PDXDC1: variants seen among roughly 807,000 people sequenced by gnomAD.
PDXDC1 encodes pyridoxal-dependent decarboxylase domain-containing protein 1.
In PDXDC1, 42 loss-of-function variants were observed where a neutral mutation model predicts 100.1. The ratio of observed to expected loss-of-function variants is 0.42; its 90% CI spans 0.33 to 0.54. PDXDC1 has a LOEUF of 0.54. Ranked by LOEUF, PDXDC1 falls within the 20% of genes least tolerant of loss-of-function variation. The probability of loss-of-function intolerance (pLI) is 0.10; values close to 1 mark genes in which losing one functional copy is unlikely to be tolerated. For missense variants in PDXDC1, 636 were observed against 979.2 expected, an observed-to-expected ratio of 0.65 and a Z score of 4.68; for synonymous variants, 260 against 371.7, an observed-to-expected ratio of 0.70 and a Z score of 3.46.
At chr16:15,022,600 T>C in intron 12 of PDXDC1, 104 bp from the exon 13 acceptor site, 2 of 1,031,562 alleles carry the variant, frequency 1.9e-6, no homozygotes, top group South Asian at 3.5e-5. Context: ...GCAGGTGACT[T>C]TGCCTGACAT....
At chr16:15,048,335 T>C (rs1349582663) in intron 16 of PDXDC1, among the ~76,000 whole-genome samples, 3 of 152,224 alleles carry the variant, frequency 2.0e-5, no homozygotes, top group East Asian at 1.9e-4. Flanking sequence ...TCGGATGTCA[T>C]AGTAACCTAT....
chr16:15,035,350 G>GA (rs2043347168), intron 21 of PDXDC1, 99 bp from the exon 22 acceptor site: 1 of 589,084 alleles, frequency 1.7e-6, no homozygotes, highest in Non-Finnish European at 2.9e-6. Context: ...TCAGTGGCTG[G>GA]AAGGAGGTTA....
chr16:15,054,064 C>T (rs2044402341), intron 16 of PDXDC1, among the ~76,000 whole-genome samples: 1 of 152,222 alleles, frequency 6.6e-6, no homozygotes, highest in South Asian at 2.1e-4. Context: ...GCTTCCCCTC[C>T]TCACCCGGGC....
intron 1 of PDXDC1, chr16:14,989,647 CGGGCCCGG>C: frequency 6.3e-7 from 1 of 1,583,830 alleles, no homozygotes; most frequent in Non-Finnish European, 8.5e-7. Flanking sequence ...GAGACGGAGG[CGGGCCCGG>C]GGCCGGCGGC....
intron 16 of PDXDC1, chr16:15,076,673 A>C (rs1331500952): frequency 6.7e-7 from 1 of 1,490,270 alleles, no homozygotes; most frequent in Non-Finnish European, 9.4e-7. Flanking sequence ...GAGAAAAAAA[A>C]AGAATAAAAG....
At chr16:15,145,690 G>A in the PDXDC1 span, among the ~76,000 whole-genome samples, 1 of 152,262 alleles carries the variant, frequency 6.6e-6, no homozygotes, top group Admixed American at 6.5e-5. Context: ...CAGCTGCCAA[G>A]CCATGAAGAG....
intron 4 of PDXDC1, 143 bp from the exon 5 acceptor site, chr16:15,004,044 A>G (rs1413751305): frequency 6.0e-5 from 49 of 817,566 alleles, no homozygotes; most frequent in Non-Finnish European, 9.0e-5. Flanking sequence ...TCACCAAACT[A>G]TCACTACTGT....
At chr16:15,031,457 G>C (rs2043060160) in intron 16 of PDXDC1, among the ~76,000 whole-genome samples, 1 of 152,172 alleles carries the variant, frequency 6.6e-6, no homozygotes, top group South Asian at 2.1e-4. Flanking sequence ...GCCTGAAGTA[G>C]GCTTGCTGTG....
chr16:15,047,391 T>G, intron 16 of PDXDC1: 1 of 1,191,306 alleles, frequency 8.4e-7, no homozygotes, highest in Non-Finnish European at 1.3e-6. Context: ...ACGTCCTGTA[T>G]GCGACGGTTC....
chr16:15,072,984 T>C (rs368105054), intron 16 of PDXDC1: 4 of 1,613,658 alleles, frequency 2.5e-6, no homozygotes, highest in Admixed American at 1.7e-5. Flanking sequence ...CATGAAAAAC[T>C]GTACATGGCA....
intron 16 of PDXDC1, chr16:15,071,391 A>T (rs2045221506): frequency 1.2e-6 from 1 of 811,252 alleles, no homozygotes; most frequent in Admixed American, 2.7e-5. Flanking sequence ...CATTTTTAAA[A>T]CACATTGAGA....
chr16:15,094,374 G>A (rs1276908282), intron 16 of PDXDC1: 1 of 735,016 alleles, frequency 1.4e-6, no homozygotes, highest in African/African-American at 1.8e-5. Context: ...TATGCTCTCG[G>A]CGGGCTAGAG....
chr16:15,087,131 T>C (rs998237275), intron 16 of PDXDC1, among the ~76,000 whole-genome samples: 4 of 152,172 alleles, frequency 2.6e-5, no homozygotes, highest in Non-Finnish European at 5.9e-5. Flanking sequence ...CATGCATATA[T>C]ACTGCACAGG....
At chr16:15,126,018 A>C (rs1477379936) in intron 16 of PDXDC1, 18 of 595,652 alleles carry the variant, frequency 3.0e-5, no homozygotes, top group Non-Finnish European at 4.8e-5. Context: ...GGTGCAGCTA[A>C]GGAACAGAGT....
intron 6 of PDXDC1, among the ~76,000 whole-genome samples, chr16:15,007,340 T>A (rs888238791): frequency 8.5e-5 from 13 of 152,178 alleles, no homozygotes; most frequent in Non-Finnish European, 2.9e-5. Context: ...CCAGATAATT[T>A]TTTTGTATTT....
At chr16:15,125,897 G>C (rs1256020533) in intron 16 of PDXDC1, 8 of 698,334 alleles carry the variant, frequency 1.1e-5, no homozygotes, top group Non-Finnish European at 1.8e-5. Flanking sequence ...ACAGGACAGA[G>C]CCCGGTGCCA....
At chr16:15,065,475 C>G (rs1475887671) in intron 16 of PDXDC1, 1 of 879,866 alleles carries the variant, frequency 1.1e-6, no homozygotes, top group Non-Finnish European at 1.7e-6. Flanking sequence ...AGAGAAATTG[C>G]TGAATATAAC....
rs977705501 is a variant in PDXDC1, at chr16:15,059,983, T to G, written c.1399+29927T>G. ...CAGGAGTTTTCCACTGCAAAATGCT[T>G]TAATACATTAAATTAAAAAAAAAAA... On this transcript the variant is annotated intron_variant, in intron 16 of 16. Coordinates refer to the PDXDC1 transcript ENST00000535621. The G allele has an allele frequency of 6.5e-5, 12 of 183,746 alleles. No homozygotes were observed. The South Asian group carries it at 8.5e-4, about 13-fold the overall frequency. 11.4% of individuals were successfully genotyped at this position (183,746 alleles called of 1,614,324 possible). A position where few individuals can be genotyped will look rare whatever the true frequency, so the allele number is the denominator to read the frequency against.
intron 11 of PDXDC1, 98 bp downstream of exon 11, chr16:15,017,520 A>C: frequency 1.3e-6 from 1 of 791,314 alleles, no homozygotes; most frequent in Non-Finnish European, 2.1e-6. Context: ...AGTGAAAAAT[A>C]CCCATAATTT....
Sources: gnomAD v4.1 joint callset for allele counts (sites outside exome capture counted in the v4.1 genomes callset) on GRCh38, gnomAD v4.1.1 for gene constraint, MANE v1.5 for transcripts, NCBI Gene and HGNC (gene_info 2026-07-23, HGNC 2026-07-21) for gene names.